NTM: variants seen among roughly 807,000 people sequenced by gnomAD.
The protein encoded by NTM is neurotrimin, also known as IgLON family member 2.
NTM carries 13 observed loss-of-function variants against 42.1 expected under a neutral mutation model. The observed-to-expected ratio is 0.31, with a 90% confidence interval of 0.20 to 0.49. The LOEUF (loss-of-function observed/expected upper bound fraction) is 0.49. Among genes scored for constraint, NTM ranks in the 20% least tolerant of loss-of-function variants. NTM has a pLI of 0.99. For synonymous variants in NTM, 187 were observed against 179.2 expected, an observed-to-expected ratio of 1.04 and a Z score of -0.35; for missense variants, 373 against 452.8, an observed-to-expected ratio of 0.82 and a Z score of 1.60.
At chr11:132,251,627 T>G (rs1438128419) in intron 4 of NTM, among the ~76,000 whole-genome samples, 1 of 152,180 alleles carries the variant, frequency 6.6e-6, no homozygotes, top group Non-Finnish European at 1.5e-5. Flanking sequence ...AGATCAAAGT[T>G]TATATCTTTC....
chr11:131,747,939 A>C (rs2082019150), intron 1 of NTM, among the ~76,000 whole-genome samples: 2 of 152,190 alleles, frequency 1.3e-5, no homozygotes, highest in Non-Finnish European at 2.9e-5. Context: ...CATGACTGAC[A>C]ACAGGCCCTC....
intron 1 of NTM, among the ~76,000 whole-genome samples, chr11:131,676,868 T>C (rs2071506336): frequency 6.6e-6 from 1 of 152,248 alleles, no homozygotes. Context: ...TCTGGAGTAG[T>C]CTGAATAATG....
At position 131,825,961 on chromosome 11, in the gene NTM, TG is replaced by T. The variant is rs1381682256; in HGVS notation, c.83-85601del. Among the ~76,000 whole-genome samples, 8 of 152,132 alleles carry T rather than the reference TG, an allele frequency of 5.3e-5. 1 individual carries two copies. The highest frequency in any genetic ancestry group is 2.0e-4 in the Admixed American group (3 of 15,268). On this transcript the variant is annotated intron_variant, in intron 1 of 8. Transcript: ENST00000683400. ...GAGGTCTGGGCTAGAAATATAAATTTGGAGATTATTGTTTTATATGTTAATG... is the reference window on the plus strand; with the variant it reads ...GAGGTCTGGGCTAGAAATATAAATTTGAGATTATTGTTTTATATGTTAATG...
chr11:131,924,462 A>G (rs2057677209), intron 2 of NTM, among the ~76,000 whole-genome samples: 1 of 152,114 alleles, frequency 6.6e-6, no homozygotes, highest in Non-Finnish European at 1.5e-5. Context: ...CTGAGCACAA[A>G]CTCAGCTGCC....
In NTM at chr11:131,680,992, C is replaced by T. The variant is rs1183309452; in HGVS notation, c.83-230572C>T. On this transcript the variant is annotated intron_variant, in intron 1 of 8. Transcript: ENST00000683400. ...CTGTATGTCTCCCTGTGTGTGTGAG[C>T]GTGTGTGTTTCTGTGTCTGTATGTC... 3.2e-4 allele frequency among the ~76,000 whole-genome samples: 6 copies of T among 18,630 alleles called. 2 individuals are homozygous for T. Among genetic ancestry groups the T allele is most frequent in the Non-Finnish European group, 7.4e-4 (6 of 8,136 alleles). 12.2% of individuals were successfully genotyped at this position (18,630 alleles called of 152,430 possible).
chr11:131,474,191 C>T (rs1404687132), intron 1 of NTM, among the ~76,000 whole-genome samples: 1 of 152,110 alleles, frequency 6.6e-6, no homozygotes, highest in African/African-American at 2.4e-5. Context: ...TTTCAGCATG[C>T]TCTGATCTTT....
At chr11:131,675,735 C>T (rs1263332513) in intron 1 of NTM, among the ~76,000 whole-genome samples, 2 of 152,238 alleles carry the variant, frequency 1.3e-5, no homozygotes, top group South Asian at 2.1e-4. Context: ...CCACAGAGGG[C>T]CTTGACTTAG....
chr11:132,028,263 G>A (rs192256147), intron 2 of NTM, among the ~76,000 whole-genome samples: 165 of 122,712 alleles, frequency 1.3e-3, no homozygotes, highest in African/African-American at 4.8e-3. Flanking sequence ...TTTTTTTTTC[G>A]TCTTATAGTA....
intron 2 of NTM, among the ~76,000 whole-genome samples, chr11:132,090,775 C>A (rs963289368): frequency 6.6e-6 from 1 of 152,166 alleles, no homozygotes; most frequent in African/African-American, 2.4e-5. Flanking sequence ...CCTTACCCCA[C>A]TGTCCTCCTA....
chr11:131,935,537 G>T (rs1448950445), intron 2 of NTM, among the ~76,000 whole-genome samples: 2 of 152,114 alleles, frequency 1.3e-5, no homozygotes, highest in African/African-American at 4.8e-5. Context: ...ACATGCATGA[G>T]TGTGCACGCA....
intron 2 of NTM, among the ~76,000 whole-genome samples, chr11:132,143,775 G>A (rs975101468): frequency 1.1e-4 from 16 of 152,134 alleles, no homozygotes; most frequent in African/African-American, 3.9e-4. Flanking sequence ...TTGTTCTTGA[G>A]AGATTTCAAA....
At chr11:132,001,329 T>A (rs902502978) in intron 2 of NTM, among the ~76,000 whole-genome samples, 6 of 152,218 alleles carry the variant, frequency 3.9e-5, no homozygotes, top group Non-Finnish European at 8.8e-5. Flanking sequence ...ACATAGGGCA[T>A]AAACATATAT....
intron 2 of NTM, among the ~76,000 whole-genome samples, chr11:132,032,976 C>G (rs914207809): frequency 6.6e-6 from 1 of 152,126 alleles, no homozygotes; most frequent in Non-Finnish European, 1.5e-5. Flanking sequence ...TTGAGCTTGA[C>G]AGAAAGGATT....
chr11:132,202,918 C>T (rs1003377906), intron 3 of NTM, among the ~76,000 whole-genome samples: 2 of 151,970 alleles, frequency 1.3e-5, no homozygotes, highest in African/African-American at 4.8e-5. Context: ...CTATGGAGGG[C>T]GAGAGAAGGA....
chr11:131,573,439 C>T (rs1394934957), intron 1 of NTM: 3 of 152,178 alleles, frequency 2.0e-5, no homozygotes, highest in African/African-American at 4.8e-5. Context: ...AAAACGAAGA[C>T]AGGGACTCCC....
chr11:131,465,406 C>CT (rs910602670), intron 1 of NTM, among the ~76,000 whole-genome samples: 5 of 151,614 alleles, frequency 3.3e-5, no homozygotes, highest in African/African-American at 4.8e-5. Flanking sequence ...ATCCAGGTTT[C>CT]TTTTTTTTTA....
chr11:131,890,506 A>G (rs751866220), intron 1 of NTM, among the ~76,000 whole-genome samples: 12 of 152,150 alleles, frequency 7.9e-5, no homozygotes, highest in Admixed American at 5.2e-4. Flanking sequence ...GAAACTCATG[A>G]GCGCTCTCCT....
At chr11:131,591,193 T>C (rs1165569284) in intron 1 of NTM, among the ~76,000 whole-genome samples, 3 of 152,344 alleles carry the variant, frequency 2.0e-5, no homozygotes, top group African/African-American at 2.4e-5. Flanking sequence ...CAGGGTTCTC[T>C]GCTCGCTGCT....
intron 4 of NTM, among the ~76,000 whole-genome samples, chr11:132,299,253 C>T (rs2094744927): frequency 6.6e-6 from 1 of 152,168 alleles, no homozygotes; most frequent in South Asian, 2.1e-4. Context: ...TGAGATTGCG[C>T]CACTGCACTC....
Sources: allele counts gnomAD v4.1 joint callset (sites outside exome capture counted in the v4.1 genomes callset), GRCh38; gene constraint gnomAD v4.1.1; transcripts MANE v1.5; gene names NCBI Gene and HGNC (gene_info 2026-07-23, HGNC 2026-07-21).